Variants in CNNM2 observed in about 807,000 individuals in gnomAD.
CNNM2 encodes metal transporter CNNM2.
Under a neutral mutation model 66.9 loss-of-function variants are expected in CNNM2, and 12 were observed. The observed-to-expected ratio is 0.18, with a 90% CI of 0.11 to 0.29. The LOEUF (loss-of-function observed/expected upper bound fraction) is 0.29. Among genes scored for constraint, CNNM2 ranks in the 10% least tolerant of loss-of-function variants. The pLI is 1.00. For missense variants in CNNM2, 705 were observed against 1,167.7 expected (o/e 0.60, Z 5.77); for synonymous variants, 557 against 501.8 (o/e 1.11, Z -1.47).
intron 1 of CNNM2, among the ~76,000 whole-genome samples, chr10:103,012,482 C>A (rs1208060823): frequency 6.6e-6 from 1 of 152,062 alleles, no homozygotes; most frequent in Non-Finnish European, 1.5e-5. Flanking sequence ...CCTGATTCTA[C>A]TAAAAATACA....
At chr10:102,930,213 C>T (rs569581042) in intron 1 of CNNM2, among the ~76,000 whole-genome samples, 1 of 152,190 alleles carries the variant, frequency 6.6e-6, no homozygotes, top group African/African-American at 2.4e-5. Flanking sequence ...CAGTGATAAT[C>T]TTGAAAGCCA....
At chr10:103,010,351 C>T (rs974413538) in intron 1 of CNNM2, among the ~76,000 whole-genome samples, 2 of 152,052 alleles carry the variant, frequency 1.3e-5, no homozygotes, top group Non-Finnish European at 1.5e-5. Flanking sequence ...GATCCTCCCA[C>T]GTCAGCCTCC....
chr10:102,995,984 G>A (rs1415651857), intron 1 of CNNM2, among the ~76,000 whole-genome samples: 1 of 152,200 alleles, frequency 6.6e-6, no homozygotes, highest in Non-Finnish European at 1.5e-5. Flanking sequence ...ACAGGCATGA[G>A]CCACCGTGCC....
At chr10:103,004,021 T>C (rs182005634) in intron 1 of CNNM2, among the ~76,000 whole-genome samples, 74 of 114,018 alleles carry the variant, frequency 6.5e-4, no homozygotes, top group Non-Finnish European at 2.2e-4. Flanking sequence ...TGAGATGGAG[T>C]CTTGCTCTGT....
At chr10:103,002,929 A>G (rs1252320510) in intron 1 of CNNM2, among the ~76,000 whole-genome samples, 2 of 152,158 alleles carry the variant, frequency 1.3e-5, no homozygotes, top group Non-Finnish European at 2.9e-5. Context: ...AGAAAAACAT[A>G]TATTCACATA....
chr10:103,029,028 G>T lies in CNNM2; in HGVS notation c.1622-20679G>T, dbSNP rs554434328. On this transcript the variant is annotated intron_variant, in intron 1 of 7. Transcript: ENST00000369878. Reference sequence around the variant, plus strand: ...GTAAAGACGAGGTTCCACCATGTTGGCCAGGCTGGTTTTGAACCCCTGACC... The same window carrying T: ...GTAAAGACGAGGTTCCACCATGTTGTCCAGGCTGGTTTTGAACCCCTGACC... Among the ~76,000 whole-genome samples the T allele has an allele frequency of 1.3e-4, 19 of 151,512 alleles. No homozygotes were observed. The South Asian group carries it at 3.8e-3, about 30-fold the overall frequency.
chr10:102,929,076 A>G (rs527648667), intron 1 of CNNM2, among the ~76,000 whole-genome samples: 90 of 152,060 alleles, frequency 5.9e-4, no homozygotes, highest in African/African-American at 2.1e-3. Flanking sequence ...CATGGCCAAC[A>G]TGGTGAAACC....
At chr10:102,956,288 C>CAAAAA (rs371126297) in intron 1 of CNNM2, among the ~76,000 whole-genome samples, 3 of 74,022 alleles carry the variant, frequency 4.1e-5, no homozygotes, top group African/African-American at 1.7e-4. Flanking sequence ...GATTCCATCT[C>CAAAAA]AAAAAAAAAA....
chr10:103,021,581 C>G (rs2064581439), intron 1 of CNNM2, among the ~76,000 whole-genome samples: 1 of 152,130 alleles, frequency 6.6e-6, no homozygotes, highest in Non-Finnish European at 1.5e-5. Flanking sequence ...TCGATTTTGA[C>G]AATGAGTGAG....
intron 1 of CNNM2, among the ~76,000 whole-genome samples, chr10:102,941,412 T>C (rs545179181): frequency 3.7e-4 from 57 of 152,142 alleles, no homozygotes; most frequent in African/African-American, 9.6e-4. Context: ...CCAGTTGATA[T>C]TGTCTTTTAA....
intron 1 of CNNM2, among the ~76,000 whole-genome samples, chr10:102,988,837 C>T (rs1049617831): frequency 6.6e-6 from 1 of 152,180 alleles, no homozygotes; most frequent in Non-Finnish European, 1.5e-5. Context: ...TTGTTCTCCA[C>T]GGAAGTGAGG....
chr10:102,959,484 C>T (rs1847165484), intron 1 of CNNM2, among the ~76,000 whole-genome samples: 1 of 152,212 alleles, frequency 6.6e-6, no homozygotes, highest in African/African-American at 2.4e-5. Context: ...TGATATCAGA[C>T]ATCTGGCTTT....
chr10:103,003,977 T>C lies in CNNM2; in HGVS notation c.1622-45730T>C, dbSNP rs1051872538. 2.0e-5 allele frequency among the ~76,000 whole-genome samples: 3 copies of C among 147,960 alleles called. No homozygotes were observed. In the East Asian group the frequency reaches 6.0e-4, roughly 29 times the overall value. On this transcript the variant is annotated intron_variant, in intron 1 of 7. Transcript: ENST00000369878. ...ATTCTCATTGCTGAGTAGTACTCCA[T>C]TGCATGAATTTTTTTTTTTTTTTTT...
chr10:102,931,649 G>A (rs756491077), intron 1 of CNNM2, among the ~76,000 whole-genome samples: 4 of 151,842 alleles, frequency 2.6e-5, no homozygotes, highest in Non-Finnish European at 4.4e-5. Flanking sequence ...GAGTCACAGC[G>A]CCCGGCCATG....
At chr10:103,002,541 G>A (rs373371829) in intron 1 of CNNM2, among the ~76,000 whole-genome samples, 2 of 150,298 alleles carry the variant, frequency 1.3e-5, no homozygotes, top group Non-Finnish European at 3.0e-5. Context: ...GTGCAATGGC[G>A]TGATCTTGGC....
At chr10:103,072,071 G>T (rs1054525307) in intron 6 of CNNM2, among the ~76,000 whole-genome samples, 3 of 152,206 alleles carry the variant, frequency 2.0e-5, no homozygotes, top group African/African-American at 7.2e-5. Flanking sequence ...GAGTAGCCAT[G>T]AAGCATGGAA....
intron 1 of CNNM2, among the ~76,000 whole-genome samples, chr10:102,943,228 AAAAC>A (rs1295878685): frequency 6.6e-6 from 1 of 152,152 alleles, no homozygotes; most frequent in Non-Finnish European, 1.5e-5. Context: ...CTGTCTCAAA[AAAAC>A]AAACAAAAAC....
chr10:103,074,548 A>G (rs1157769096), intron 6 of CNNM2, among the ~76,000 whole-genome samples: 2 of 152,054 alleles, frequency 1.3e-5, no homozygotes, highest in Admixed American at 1.3e-4. Context: ...TTTAGGAGAA[A>G]GTGGCCAGGC....
At chr10:103,005,582 G>A (rs989950651) in intron 1 of CNNM2, among the ~76,000 whole-genome samples, 1 of 152,148 alleles carries the variant, frequency 6.6e-6, no homozygotes, top group Non-Finnish European at 1.5e-5. Context: ...CTGGGAGGCA[G>A]AGATTGCAGT....
Sources: allele counts gnomAD v4.1 joint callset (sites outside exome capture counted in the v4.1 genomes callset), GRCh38; gene constraint gnomAD v4.1.1; transcripts MANE v1.5; gene names NCBI Gene and HGNC (gene_info 2026-07-23, HGNC 2026-07-21).